TGM4: variants seen among roughly 807,000 people sequenced by gnomAD.
TGM4 encodes transglutaminase 4.
TGM4 carries 61 observed loss-of-function variants against 76.3 expected under a neutral mutation model. The ratio of observed to expected loss-of-function variants is 0.80; its 90% CI spans 0.65 to 0.99. TGM4 has a LOEUF of 0.99. Among genes scored for constraint, TGM4 ranks in the 50% least tolerant of loss-of-function variants. The probability of loss-of-function intolerance (pLI) is 0.00; values close to 1 mark genes in which losing one functional copy is unlikely to be tolerated. For synonymous variants in TGM4, 337 were observed against 329.8 expected, an observed-to-expected ratio of 1.02 and a Z score of -0.24; for missense variants, 794 against 843.2, an observed-to-expected ratio of 0.94 and a Z score of 0.72.
Position 44,901,771 on chromosome 3 carries a change from AC to A in TGM4, c.833-18del, listed in dbSNP as rs774515295. The A allele has an allele frequency of 9.9e-6, 16 of 1,613,378 alleles. No individual in the cohort carries two copies. In the East Asian group the frequency reaches 2.5e-4, roughly 25 times the overall value. ...CTCCCAGCCCCCACAGTTGCCAACC[AC>A]CCCACCCTGGATCATTTCAGTGCTG... On this transcript the variant is annotated intron_variant, in intron 7 of 13. Transcript: ENST00000296125.
rs1407543746 is a variant in TGM4, at chr3:44,893,694, A to G, written c.548A>G (p.Gln183Arg). 5 of 1,613,412 alleles carry G rather than the reference A, an allele frequency of 3.1e-6. No individual in the cohort carries two copies. Among genetic ancestry groups the G allele is most frequent in the Non-Finnish European group, 4.2e-6 (5 of 1,179,550 alleles). ...AAATGCAAACCCTGGAACTTTGGTCAGGTAATGATTTGTCGTCTTGTGGCT... is the reference window on the plus strand; with the variant it reads ...AAATGCAAACCCTGGAACTTTGGTCGGGTAATGATTTGTCGTCTTGTGGCT... ...SIKCKPWNFG[Q>R]FEKNVLDCCI... The change falls in exon 5 of 14, where the codon CAG (glutamine) becomes CGG (arginine). Residue 183 changes from glutamine (Q) to arginine (R), a missense_variant and splice_region_variant. Physicochemically the swap from Gln to Arg is conservative, Grantham distance 43. Coordinates refer to ENST00000296125, the MANE Select transcript of TGM4 (RefSeq NM_003241.4).
intron 1 of TGM4, among the ~76,000 whole-genome samples, chr3:44,884,568 G>A (rs1455255886): frequency 6.6e-6 from 1 of 152,012 alleles, no homozygotes; most frequent in Non-Finnish European, 1.5e-5. Context: ...CCTGATCTCA[G>A]GTGATGCGCC....
intron 1 of TGM4, among the ~76,000 whole-genome samples, chr3:44,878,762 G>A (rs560500819): frequency 4.6e-5 from 7 of 152,112 alleles, no homozygotes; most frequent in African/African-American, 1.7e-4. Flanking sequence ...GATTACAGGC[G>A]TGAGCCGCTG....
chr3:44,910,622 A>G (rs1393280955), intron 11 of TGM4, among the ~76,000 whole-genome samples: 1 of 152,188 alleles, frequency 6.6e-6, no homozygotes, highest in Non-Finnish European at 1.5e-5. Flanking sequence ...TGAAAGTGTC[A>G]TGAGAAGTCT....
rs1332950753 is a variant in TGM4 at position 44,896,783 on chromosome 3, C to T, written c.624C>T (p.Asp208=). Residue 208 remains aspartate (D), a synonymous_variant, in exon 6 of 14, where the codon GAC becomes GAT. Coordinates refer to ENST00000296125, the MANE Select transcript of TGM4 (RefSeq NM_003241.4). ...CCCTCAAGCCCACAGATAGGAGGGA[C>T]CCCGTGCTGGTGTGCAGGGCCATGT... ...ESSLKPTDRR[D]PVLVCRAMCA... 1 of 1,614,166 alleles carries T rather than the reference C, an allele frequency of 6.2e-7. No individual in the cohort carries two copies. The highest frequency in any genetic ancestry group is 1.1e-5 in the South Asian group (1 of 91,078).
intron 9 of TGM4, among the ~76,000 whole-genome samples, chr3:44,906,562 A>C (rs576399948): frequency 6.6e-6 from 1 of 152,306 alleles, no homozygotes; most frequent in East Asian, 1.9e-4. Flanking sequence ...TGCTGTTTTT[A>C]TTCCCAGTTT....
Position 44,874,701 on chromosome 3 carries a change from A to C in TGM4, c.19+4A>C. On this transcript the variant is annotated splice_donor_region_variant and intron_variant, in intron 1 of 13. Transcript: ENST00000296125. ...GGGATGATGGATGCATCAAAAGGTG[A>C]GTGGGTGAAATCTCCATGGAGCCCC... 1 of 1,614,224 alleles carries C rather than the reference A, an allele frequency of 6.2e-7. No individual in the cohort carries two copies. Among genetic ancestry groups the C allele is most frequent in the Non-Finnish European group, 8.5e-7 (1 of 1,180,032 alleles).
At chr3:44,887,840 G>C (rs367937620) in intron 3 of TGM4, 45 bp downstream of exon 3, 1 of 1,560,744 alleles carries the variant, frequency 6.4e-7, no homozygotes, top group South Asian at 1.1e-5. Flanking sequence ...GGCTTCTGGC[G>C]GAATGCTCCT....
intron 6 of TGM4, among the ~76,000 whole-genome samples, chr3:44,897,586 G>C (rs1296087177): frequency 6.6e-6 from 1 of 152,180 alleles, no homozygotes; most frequent in Non-Finnish European, 1.5e-5. Flanking sequence ...TGGCCACTTG[G>C]AAGTCAGTTT....
intron 1 of TGM4, among the ~76,000 whole-genome samples, chr3:44,879,618 G>A (rs539210407): frequency 2.0e-5 from 3 of 151,456 alleles, no homozygotes; most frequent in Non-Finnish European, 4.4e-5. Context: ...GACTACAGGC[G>A]CCTGCCACCA....
At chr3:44,880,686 T>A (rs1699520639) in intron 1 of TGM4, among the ~76,000 whole-genome samples, 1 of 152,212 alleles carries the variant, frequency 6.6e-6, no homozygotes, top group South Asian at 2.1e-4. Context: ...GTTTAATTCC[T>A]TTAGCAATTA....
chr3:44,887,604 TG>T, intron 2 of TGM4, 84 bp from the exon 3 acceptor site: 1 of 1,236,114 alleles, frequency 8.1e-7, no homozygotes, highest in Non-Finnish European at 1.1e-6. Context: ...GCTCCATGAG[TG>T]GGCAGTAGGT....
At chr3:44,891,452 G>T (rs555975650) in intron 4 of TGM4, among the ~76,000 whole-genome samples, 1 of 151,150 alleles carries the variant, frequency 6.6e-6, no homozygotes, top group South Asian at 2.1e-4. Flanking sequence ...TATCATCCAG[G>T]CTCACCTGTT....
At position 44,911,339 on chromosome 3, in the gene TGM4, C is replaced by T. The variant is rs996362559; in HGVS notation, c.1846C>T (p.Pro616Ser). ...NCIFKNTLAI[P>S]LTDVKFSLES... is the part of the protein sequence containing the mutation. The stretch of plus-strand genomic sequence containing the variant: ...TATCTTCAAGAATACCCTGGCCATC[C>T]CTTTGACTGACGTCAAGTTCTCTTT... Residue 616 changes from proline (P) to serine (S), a missense_variant, in exon 13 of 14, where the codon CCT becomes TCT. Pro to Ser is a moderately conservative substitution (Grantham distance 74, BLOSUM62 -1). Transcript: ENST00000296125. 3 of 1,614,134 alleles carry T rather than the reference C, an allele frequency of 1.9e-6. No homozygotes were observed. The highest frequency in any genetic ancestry group is 2.7e-5 in the African/African-American group (2 of 74,950).
chr3:44,878,352 C>T (rs1333249613), intron 1 of TGM4, among the ~76,000 whole-genome samples: 2 of 151,572 alleles, frequency 1.3e-5, no homozygotes, highest in Non-Finnish European at 2.9e-5. Context: ...TGGAAAGATA[C>T]CTAGATACTT....
At chr3:44,886,326 G>T (rs1699607173) in intron 2 of TGM4, among the ~76,000 whole-genome samples, 1 of 152,068 alleles carries the variant, frequency 6.6e-6, no homozygotes, top group Non-Finnish European at 1.5e-5. Context: ...GGCGACAAGA[G>T]TGAAACTCCG....
chr3:44,886,416 G>T (rs1273603319), intron 2 of TGM4, among the ~76,000 whole-genome samples: 2 of 152,142 alleles, frequency 1.3e-5, no homozygotes, highest in Non-Finnish European at 2.9e-5. Context: ...CGCTCCTTTT[G>T]CTCCTTCTCT....
chr3:44,877,647 A>G (rs903774934), intron 1 of TGM4, among the ~76,000 whole-genome samples: 19 of 151,868 alleles, frequency 1.3e-4, no homozygotes, highest in African/African-American at 4.3e-4. Context: ...TCATTTTTTC[A>G]TTTATCAGAT....
At chr3:44,882,939 A>G (rs150673279) in intron 1 of TGM4, among the ~76,000 whole-genome samples, 45 of 152,218 alleles carry the variant, frequency 3.0e-4, no homozygotes, top group African/African-American at 1.0e-3. Context: ...TTCCAGGGAG[A>G]TAAGGTCTTA....
Sources: gnomAD v4.1 joint callset for allele counts (sites outside exome capture counted in the v4.1 genomes callset) on GRCh38, gnomAD v4.1.1 for gene constraint, MANE v1.5 for transcripts, NCBI Gene and HGNC (gene_info 2026-07-23, HGNC 2026-07-21) for gene names.